Variants in FTSJ1 observed in about 807,000 individuals in gnomAD.
FTSJ1 encodes tRNA (cytidine(32)/guanosine(34)-2'-O)-methyltransferase.
A neutral mutation model predicts 28.5 loss-of-function variants in FTSJ1; 3 were observed. That is an observed-to-expected ratio of 0.11 (90% CI 0.05 to 0.27). The LOEUF is 0.27. FTSJ1 is among the 10% of genes least tolerant of loss of function. The pLI is 1.00. For synonymous variants in FTSJ1, 104 were observed against 113.9 expected, an observed-to-expected ratio of 0.91 and a Z score of 0.55; for missense variants, 162 against 279.0, an observed-to-expected ratio of 0.58 and a Z score of 2.99.
chrX:48,478,793 GGTGATAGAAACA>G, intron 4 of FTSJ1, 86 bp downstream of exon 4: 1 of 669,213 alleles, frequency 1.5e-6, no homozygotes, highest in Non-Finnish European at 2.4e-6. Context: ...GAAACAGAGA[GGTGATAGAAACA>G]GAGAGAGAAA....
chrX:48,485,554 A>G (rs2061597438), intron 12 of FTSJ1, among the ~76,000 whole-genome samples, 182 bp from the exon 13 acceptor site: 1 of 110,031 alleles, frequency 9.1e-6, no homozygotes. Context: ...GTGGTGGCAC[A>G]TTCCTGCCTG....
In FTSJ1 at chrX:48,482,513, G is replaced by A; in HGVS notation, c.759+7G>A. On this transcript the variant is annotated splice_region_variant and intron_variant, in intron 10 of 12. Coordinates refer to ENST00000348411, the MANE Select transcript of FTSJ1 (RefSeq NM_012280.4). ...CCGCAGTTACCCACTGGACGTGAGT[G>A]CCCAACCAACAGTAGGTGGGTGGGA... The A allele has an allele frequency of 8.4e-7, 1 of 1,187,280 alleles. No homozygotes were observed. Among genetic ancestry groups the A allele is most frequent in the Non-Finnish European group, 1.1e-6 (1 of 874,281 alleles).
chrX:48,477,938 G>C (rs911830385), intron 1 of FTSJ1, 23 bp from the exon 2 acceptor site: 62 of 1,109,213 alleles, frequency 5.6e-5, no homozygotes, highest in Middle Eastern at 2.4e-4. Context: ...AGTTTAGTTT[G>C]TGTGGTTCTC....
chrX:48,477,276 G>C (rs1364231649), intron 1 of FTSJ1, among the ~76,000 whole-genome samples: 2 of 111,037 alleles, frequency 1.8e-5, no homozygotes, highest in African/African-American at 6.6e-5. Context: ...TAATGAAAGA[G>C]TTACAGGGCA....
chrX:48,478,597 G>A lies in FTSJ1; in HGVS notation c.192-20G>A. The A allele has an allele frequency of 8.3e-7, 1 of 1,202,067 alleles. No homozygotes were observed. Among genetic ancestry groups the A allele is most frequent in the Non-Finnish European group, 1.1e-6 (1 of 887,199 alleles). ...GGCCCGGGAGCGAAACTAGGCTGAT[G>A]TGGGCCATGTTGTCCACAGGGGCCA... On this transcript the variant is annotated intron_variant, in intron 3 of 12. Transcript: ENST00000348411.
Position 48,476,261 on chromosome X carries a change from G to A in FTSJ1, c.-223G>A. On this transcript the variant is annotated 5_prime_UTR_variant, in exon 1 of 13. Transcript: ENST00000348411. ...TCCACGATGCCGAGTTTGCCACGCT[G>A]CGACAGCCCATAGGCTTGCCCCCCC... 3.4e-6 allele frequency: 1 copy of A among 298,387 alleles called. No individual in the cohort carries two copies. The highest frequency in any genetic ancestry group is 5.9e-6 in the Non-Finnish European group (1 of 170,459). The allele number at this position is 298,387 out of a possible 1,213,427, so 24.6% of individuals were successfully genotyped here. A position where few individuals can be genotyped will look rare whatever the true frequency, so the allele number is the denominator to read the frequency against.
chrX:48,482,843 T>A (rs2061578776), intron 11 of FTSJ1, 49 bp downstream of exon 11: 1 of 1,201,850 alleles, frequency 8.3e-7, no homozygotes, highest in South Asian at 1.8e-5. Context: ...CCCGTGTGCC[T>A]TTTTCTGACC....
rs1413840474 is a variant in FTSJ1, at chrX:48,481,675, C to T, written c.615C>T (p.Phe205=). The T allele has an allele frequency of 7.5e-6, 9 of 1,197,931 alleles. No individual in the cohort carries two copies. The highest frequency in any genetic ancestry group is 2.2e-5 in the Admixed American group (1 of 46,107). The change falls in exon 9 of 13, where the codon TTC becomes TTT. Residue 205 remains phenylalanine (F), a synonymous_variant. Coordinates refer to ENST00000348411, the MANE Select transcript of FTSJ1 (RefSeq NM_012280.4). ...AGGGCTATGACCCTCCCGAGGGCTT[C>T]ATCCCGGACCTGAGCAAACCCCTGC... ...VCQGYDPPEG[F]IPDLSKPLLD... is the part of the protein sequence containing the mutation.
chrX:48,476,899 C>T (rs1296293294), intron 1 of FTSJ1, among the ~76,000 whole-genome samples: 3 of 110,231 alleles, frequency 2.7e-5, no homozygotes, highest in Admixed American at 9.6e-5. Context: ...TGATATTCAA[C>T]GGGTTAATGG....
chrX:48,476,481 G>A (rs973948178), intron 1 of FTSJ1, 85 bp downstream of exon 1: 5 of 287,414 alleles, frequency 1.7e-5, no homozygotes, highest in South Asian at 2.3e-4. Flanking sequence ...GGAAAGGAGG[G>A]AGGTCCGCCC....
intron 5 of FTSJ1, among the ~76,000 whole-genome samples, 154 bp downstream of exon 5, chrX:48,479,270 A>C (rs1602049886): frequency 9.0e-6 from 1 of 110,532 alleles, no homozygotes; most frequent in Admixed American, 9.6e-5. Flanking sequence ...ACTTCTCCCT[A>C]CCTCTGCTGC....
At chrX:48,477,588 C>T (rs1297284376) in intron 1 of FTSJ1, among the ~76,000 whole-genome samples, 1 of 110,768 alleles carries the variant, frequency 9.0e-6, no homozygotes, top group Non-Finnish European at 1.9e-5. Flanking sequence ...GCAATGGGGA[C>T]AACTGGGGAT....
At chrX:48,479,523 C>A (rs572325618) in intron 5 of FTSJ1, among the ~76,000 whole-genome samples, 1 of 111,593 alleles carries the variant, frequency 9.0e-6, no homozygotes, top group Non-Finnish European at 1.9e-5. Flanking sequence ...CTAGTGGGAG[C>A]AAATGGGAAA....
At chrX:48,480,473 T>C (rs782595004) in intron 5 of FTSJ1, among the ~76,000 whole-genome samples, 6 of 109,314 alleles carry the variant, frequency 5.5e-5, no homozygotes, top group Admixed American at 2.0e-4. Context: ...ACAGATCCTA[T>C]AGGGCCTCGT....
chrX:48,483,236 G>A, intron 12 of FTSJ1: 2 of 430,038 alleles, frequency 4.7e-6, no homozygotes, highest in South Asian at 6.9e-5. Flanking sequence ...CATACTGTAT[G>A]TCAGGTGTTG....
chrX:48,476,216 G>C lies in FTSJ1; in HGVS notation c.-268G>C. 1 of 298,170 alleles carries C rather than the reference G, an allele frequency of 3.4e-6. No individual in the cohort carries two copies. 24.6% of individuals were successfully genotyped at this position (298,170 alleles called of 1,213,427 possible). ...CGTTGTACGTTCACATCAGGTCCCG[G>C]CCCGCCGGAACCTGGGCGATCCACG... On this transcript the variant is annotated 5_prime_UTR_variant, in exon 1 of 13. Transcript: ENST00000348411.
In FTSJ1 at chrX:48,481,424, A is replaced by G; in HGVS notation, c.469-2A>G. On this transcript the variant is annotated splice_acceptor_variant, in intron 7 of 12. Coordinates refer to ENST00000348411, the MANE Select transcript of FTSJ1 (RefSeq NM_012280.4). LOFTEE classifies it high-confidence loss of function. ...CGCTGTCTTTGCCTTCTCACCCTGC[A>G]GATATTCCGAGGCCGGGATGTGACG... 1 of 1,209,831 alleles carries G rather than the reference A, an allele frequency of 8.3e-7. No homozygotes were observed. Among genetic ancestry groups the G allele is most frequent in the Non-Finnish European group, 1.1e-6 (1 of 893,520 alleles).
intron 12 of FTSJ1, 151 bp downstream of exon 12, chrX:48,483,178 G>A (rs1469458751): frequency 4.1e-6 from 2 of 492,075 alleles, no homozygotes; most frequent in East Asian, 7.3e-5. Context: ...GCCAGGAACT[G>A]CTTTAAGCAT....
In FTSJ1 at chrX:48,478,087, C is replaced by T. The variant is rs1556966951; in HGVS notation, c.40C>T (p.Arg14Cys). 2.5e-6 allele frequency: 3 copies of T among 1,210,997 alleles called. No individual in the cohort carries two copies. ...TSKDKRDVYY[R>C]LAKENGWRAR... ...AAAGGACAAGCGGGATGTCTACTACCGCCTGGCCAAGGAGAATGGCTGGCG... is the reference window on the plus strand; with the variant it reads ...AAAGGACAAGCGGGATGTCTACTACTGCCTGGCCAAGGAGAATGGCTGGCG... Residue 14 changes from arginine (R) to cysteine (C), a missense_variant, in exon 2 of 13, where the codon CGC becomes TGC. By Grantham distance (180) the Arg-to-Cys change is radical (BLOSUM62 -3). Transcript: ENST00000348411.
Sources: gnomAD v4.1 joint callset for allele counts (sites outside exome capture counted in the v4.1 genomes callset) on GRCh38, gnomAD v4.1.1 for gene constraint, MANE v1.5 for transcripts, NCBI Gene and HGNC (gene_info 2026-07-23, HGNC 2026-07-21) for gene names.